The following LRRFIP1 variants were observed in gnomAD, a reference collection of about 807,000 sequenced individuals.
LRRFIP1 encodes leucine-rich repeat flightless-interacting protein 1.
Under a neutral mutation model 104.4 loss-of-function variants are expected in LRRFIP1, and 62 were observed. That is an observed-to-expected ratio of 0.59 (90% CI 0.48 to 0.73). The LOEUF (loss-of-function observed/expected upper bound fraction) is 0.73. Among genes scored for constraint, LRRFIP1 ranks in the 30% least tolerant of loss-of-function variants. The pLI is 0.00. For synonymous variants in LRRFIP1, 300 were observed against 299.0 expected, an observed-to-expected ratio of 1.00 and a Z score of -0.03; for missense variants, 796 against 824.5, an observed-to-expected ratio of 0.97 and a Z score of 0.42.
intron 11 of LRRFIP1, among the ~76,000 whole-genome samples, chr2:237,745,911 A>G (rs969546957): frequency 6.6e-6 from 1 of 150,720 alleles, no homozygotes; most frequent in African/African-American, 2.5e-5. Context: ...TTTTCATCTT[A>G]TTAATATTTG....
chr2:237,762,827 C>T (rs1576371525), intron 19 of LRRFIP1: 1 of 1,614,212 alleles, frequency 6.2e-7, no homozygotes, highest in East Asian at 2.2e-5. Flanking sequence ...GGAACAGGTT[C>T]AAAGCCAAAT....
intron 1 of LRRFIP1, among the ~76,000 whole-genome samples, chr2:237,660,433 G>A (rs763106550): frequency 1.3e-5 from 2 of 150,822 alleles, no homozygotes; most frequent in African/African-American, 2.5e-5. Flanking sequence ...TCTCCACAGA[G>A]TACAGCTGGC....
intron 11 of LRRFIP1, among the ~76,000 whole-genome samples, chr2:237,741,106 T>C: frequency 6.6e-6 from 1 of 152,178 alleles, no homozygotes; most frequent in East Asian, 1.9e-4. Context: ...CAGTCAGCAG[T>C]GAGAGAAGCC....
At chr2:237,774,011 G>A (rs998035283) in intron 22 of LRRFIP1, 1 of 205,266 alleles carries the variant, frequency 4.9e-6, no homozygotes, top group East Asian at 1.2e-4. Flanking sequence ...AGCTGAGGTC[G>A]TGGCGGAACA....
chr2:237,708,527 T>C lies in LRRFIP1; in HGVS notation c.97-17T>C. On this transcript the variant is annotated splice_polypyrimidine_tract_variant and intron_variant, in intron 1 of 23. Coordinates refer to ENST00000308482, the MANE Select transcript of LRRFIP1 (RefSeq NM_001137550.2). Reference sequence around the variant, plus strand: ...CCCGCTGCTCTGTCCTCTAATAAGATGCCCTGTCCGTTTCAGGCGGAAGCC... The same window carrying C: ...CCCGCTGCTCTGTCCTCTAATAAGACGCCCTGTCCGTTTCAGGCGGAAGCC... The C allele has an allele frequency of 1.3e-6, 2 of 1,550,042 alleles. No homozygotes were observed. Among genetic ancestry groups the C allele is most frequent in the South Asian group, 2.5e-5 (2 of 80,326 alleles).
chr2:237,747,978 G>A (rs80165744), intron 11 of LRRFIP1, among the ~76,000 whole-genome samples: 2,327 of 152,174 alleles, frequency 0.015, 63 homozygotes, highest in African/African-American at 0.052. Context: ...ATGCTGAGCC[G>A]AGAAAGAAGT....
intron 14 of LRRFIP1, among the ~76,000 whole-genome samples, chr2:237,752,820 G>T (rs570236885): frequency 3.3e-5 from 5 of 152,302 alleles, no homozygotes; most frequent in African/African-American, 1.2e-4. Context: ...TCCTTTCCTG[G>T]TTCATAAGCC....
At chr2:237,638,750 G>A (rs1023223511) in intron 1 of LRRFIP1, among the ~76,000 whole-genome samples, 24 of 152,308 alleles carry the variant, frequency 1.6e-4, no homozygotes, top group South Asian at 1.5e-3. Context: ...CTGCCGTGTC[G>A]ACCAGTGTAG....
Position 237,735,406 on chromosome 2 carries a change from T to C in LRRFIP1, c.555+73T>C. On this transcript the variant is annotated intron_variant, in intron 10 of 23. Transcript: ENST00000308482. The surrounding 1 kb of genome is among the most constrained non-coding windows in gnomAD (Gnocchi z 4.6). ...GCCTGGGGATGCTCGCTGGGCAGGGTCCAGCCGTGGGGGGTGACTGGCCAT... is the reference window on the plus strand; with the variant it reads ...GCCTGGGGATGCTCGCTGGGCAGGGCCCAGCCGTGGGGGGTGACTGGCCAT... The C allele has an allele frequency of 7.0e-7, 1 of 1,434,764 alleles. No individual in the cohort carries two copies. Among genetic ancestry groups the C allele is most frequent in the African/African-American group, 1.4e-5 (1 of 70,892 alleles). 88.9% of individuals were successfully genotyped at this position (1,434,764 alleles called of 1,614,324 possible). A position where few individuals can be genotyped will look rare whatever the true frequency, so the allele number is the denominator to read the frequency against.
rs148273311 is a variant in LRRFIP1, at chr2:237,760,859, A to G, written c.1459+654A>G. Among the ~76,000 whole-genome samples, 721 of 152,286 alleles carry G rather than the reference A, an allele frequency of 4.7e-3. 6 individuals are homozygous for G. Among genetic ancestry groups the G allele is most frequent in the African/African-American group, 0.017 (697 of 41,574 alleles). On this transcript the variant is annotated intron_variant, in intron 19 of 23. Coordinates refer to ENST00000308482, the MANE Select transcript of LRRFIP1 (RefSeq NM_001137550.2). ...CACGTGTTTGCTTCTGAAAGAATAT[A>G]AAACTGGGGAATCCAGTAGATCAGA...
intron 1 of LRRFIP1, among the ~76,000 whole-genome samples, chr2:237,642,322 G>C (rs2084110327): frequency 6.6e-6 from 1 of 152,234 alleles, no homozygotes; most frequent in Non-Finnish European, 1.5e-5. Context: ...CAGGTTCTAG[G>C]CTGCACGCCT....
At chr2:237,636,352 C>CT (rs59582281) in intron 1 of LRRFIP1, among the ~76,000 whole-genome samples, 2,358 of 124,328 alleles carry the variant, frequency 0.019, 35 homozygotes, top group African/African-American at 0.051. Flanking sequence ...CCTTTCTTTT[C>CT]TTTTTTTTTT....
At chr2:237,690,072 G>A (rs2092661775) in intron 1 of LRRFIP1, among the ~76,000 whole-genome samples, 3 of 152,182 alleles carry the variant, frequency 2.0e-5, no homozygotes, top group Non-Finnish European at 1.5e-5. Flanking sequence ...TCCCTTCCCT[G>A]TATGGTTTTC....
chr2:237,769,068 T>A (rs1250205902), intron 19 of LRRFIP1: 3 of 152,248 alleles, frequency 2.0e-5, no homozygotes, highest in African/African-American at 7.2e-5. Flanking sequence ...AAGGAGGCTA[T>A]GATGAAGCCT....
At chr2:237,751,848 G>A (rs2058666797) in intron 14 of LRRFIP1, among the ~76,000 whole-genome samples, 1 of 152,222 alleles carries the variant, frequency 6.6e-6, no homozygotes, top group Admixed American at 6.5e-5. Context: ...GCCAGGAGAT[G>A]TGGTTGCCCT....
At chr2:237,694,814 T>C (rs957475221) in intron 1 of LRRFIP1, among the ~76,000 whole-genome samples, 1 of 152,250 alleles carries the variant, frequency 6.6e-6, no homozygotes. Context: ...TGTGCATTTC[T>C]GCAGCTTTTG....
chr2:237,713,148 G>A (rs1244089595), intron 2 of LRRFIP1, among the ~76,000 whole-genome samples: 5 of 151,862 alleles, frequency 3.3e-5, no homozygotes, highest in Non-Finnish European at 4.4e-5. Flanking sequence ...GAGCGTGTAC[G>A]GAGAGGGGAG....
At chr2:237,776,069 TC>T (rs1313722933) in intron 23 of LRRFIP1, among the ~76,000 whole-genome samples, 1 of 152,044 alleles carries the variant, frequency 6.6e-6, no homozygotes, top group Non-Finnish European at 1.5e-5. Flanking sequence ...GGTTCAAGCC[TC>T]CCACCTCAGC....
chr2:237,717,923 C>A lies in LRRFIP1; in HGVS notation c.249+114C>A. ...CGCAGTTTAACTATGTAGATAGATT[C>A]CTATTGCACCATAATTTAATACTGA... On this transcript the variant is annotated intron_variant, in intron 4 of 23. Coordinates refer to ENST00000308482, the MANE Select transcript of LRRFIP1 (RefSeq NM_001137550.2). This position sits in a 1 kb window ranked among gnomAD's most constrained non-coding sequence, Gnocchi z 4.2. 1 of 846,120 alleles carries A rather than the reference C, an allele frequency of 1.2e-6. No individual in the cohort carries two copies. The highest frequency in any genetic ancestry group is 2.1e-6 in the Non-Finnish European group (1 of 484,800). The allele number at this position is 846,120 out of a possible 1,614,324, so 52.4% of individuals were successfully genotyped here.
Sources: gnomAD v4.1 joint callset for allele counts (sites outside exome capture counted in the v4.1 genomes callset) on GRCh38, gnomAD v4.1.1 for gene constraint, Gnocchi (gnomAD v3.1) non-coding constraint, MANE v1.5 for transcripts, NCBI Gene and HGNC (gene_info 2026-07-23, HGNC 2026-07-21) for gene names.